The following VPS13D variants were observed in gnomAD, a reference collection of about 807,000 sequenced individuals.
VPS13D encodes intermembrane lipid transfer protein VPS13D.
In VPS13D, 187 loss-of-function variants were observed where a neutral mutation model predicts 461.9. The ratio of observed to expected loss-of-function variants is 0.40; its 90% CI spans 0.36 to 0.46. The LOEUF is 0.46. Ranked by LOEUF, VPS13D falls within the 20% of genes least tolerant of loss-of-function variation. VPS13D has a pLI of 0.60. For synonymous variants in VPS13D, 1,951 were observed against 1,986.3 expected, an observed-to-expected ratio of 0.98 and a Z score of 0.47; for missense variants, 4,711 against 5,364.9, an observed-to-expected ratio of 0.88 and a Z score of 3.81.
At chr1:12,355,857 AT>A in intron 47 of VPS13D, 41 bp from the exon 48 acceptor site, 1 of 1,465,650 alleles carries the variant, frequency 6.8e-7, no homozygotes, top group Non-Finnish European at 9.1e-7. Flanking sequence ...ATTTTGACAA[AT>A]AGTGAGAACT....
Position 12,321,802 on chromosome 1 carries a change from T to G in VPS13D, c.7549-7T>G. ...TAATTCTCGCCATATTGCATTTCATTCTGTAGGTGTTTTCATGCCGACTAG... is the reference window on the plus strand; with the variant it reads ...TAATTCTCGCCATATTGCATTTCATGCTGTAGGTGTTTTCATGCCGACTAG... On this transcript the variant is annotated splice_polypyrimidine_tract_variant and splice_region_variant and intron_variant, in intron 32 of 69. Coordinates refer to ENST00000620676, the MANE Select transcript of VPS13D (RefSeq NM_015378.4). The G allele has an allele frequency of 6.3e-7, 1 of 1,594,746 alleles. No homozygotes were observed. Among genetic ancestry groups the G allele is most frequent in the Non-Finnish European group, 8.5e-7 (1 of 1,173,982 alleles).
chr1:12,474,210 T>G (rs1331901475), intron 67 of VPS13D, among the ~76,000 whole-genome samples: 1 of 152,130 alleles, frequency 6.6e-6, no homozygotes, highest in Non-Finnish European at 1.5e-5. Flanking sequence ...CATGCGACCC[T>G]GTAACAGCTG....
chr1:12,279,717 T>A lies in VPS13D; in HGVS notation c.4602+67T>A, dbSNP rs927415380. The A allele has an allele frequency of 2.2e-5, 28 of 1,290,956 alleles. No individual in the cohort carries two copies. Among genetic ancestry groups the A allele is most frequent in the Admixed American group, 7.2e-5 (3 of 41,664 alleles). The allele number at this position is 1,290,956 out of a possible 1,614,324, so 80.0% of individuals were successfully genotyped here. A position where few individuals can be genotyped will look rare whatever the true frequency, so the allele number is the denominator to read the frequency against. Reference sequence around the variant, plus strand: ...AGTACTCTATAAATATGATATATATTTATGTATATTACATGTTGGAAGGAA... The same window carrying A: ...AGTACTCTATAAATATGATATATATATATGTATATTACATGTTGGAAGGAA... On this transcript the variant is annotated intron_variant, in intron 20 of 69. Coordinates refer to ENST00000620676, the MANE Select transcript of VPS13D (RefSeq NM_015378.4). This position sits in a 1 kb window ranked among gnomAD's most constrained non-coding sequence, Gnocchi z 4.3.
chr1:12,253,769 C>T lies in VPS13D; in HGVS notation c.612C>T (p.Ser204=). 1 of 1,614,132 alleles carries T rather than the reference C, an allele frequency of 6.2e-7. No homozygotes were observed. The highest frequency in any genetic ancestry group is 8.5e-7 in the Non-Finnish European group (1 of 1,179,988). Reference sequence around the variant, plus strand: ...AGCAATTAGACGTAGCAGAATTTAGCATCTATTGGGATGTCGATTGCACTT... The same window carrying T: ...AGCAATTAGACGTAGCAGAATTTAGTATCTATTGGGATGTCGATTGCACTT... ...RKKQLDVAEF[S]IYWDVDCTLL... Residue 204 remains serine, a synonymous_variant, in exon 7 of 70, where the codon AGC becomes AGT. Coordinates refer to ENST00000620676, the MANE Select transcript of VPS13D (RefSeq NM_015378.4).
intron 68 of VPS13D, among the ~76,000 whole-genome samples, chr1:12,501,160 A>G (rs889834368): frequency 6.6e-6 from 1 of 152,134 alleles, no homozygotes; most frequent in African/African-American, 2.4e-5. Flanking sequence ...GCTGTTTACG[A>G]TTTTTGTATC....
chr1:12,261,101 G>A lies in VPS13D; in HGVS notation c.1366G>A (p.Gly456Arg). ...QQTPEGNVVE[G>R]LSAEQQEQWI... ...GACCCCAGAAGGGAATGTGGTTGAG[G>A]GACTGTCAGCAGAGCAACAGGAGCA... Residue 456 changes from glycine (G) to arginine (R), a missense_variant, in exon 12 of 70, where the codon GGA (glycine) becomes AGA (arginine). By Grantham distance (125) the Gly-to-Arg change is moderately radical. Around this residue, in one of 3 missense-constraint regions of VPS13D, gnomAD observed 4,411 missense variants for 4,937.8 expected, o/e 0.89. Coordinates refer to ENST00000620676, the MANE Select transcript of VPS13D (RefSeq NM_015378.4). The A allele has an allele frequency of 6.2e-7, 1 of 1,614,120 alleles. No homozygotes were observed. Among genetic ancestry groups the A allele is most frequent in the Non-Finnish European group, 8.5e-7 (1 of 1,180,020 alleles).
At position 12,348,981 on chromosome 1, in the gene VPS13D, T is replaced by C. The variant is rs1643737062; in HGVS notation, c.9220+8T>C. On this transcript the variant is annotated splice_region_variant and intron_variant, in intron 45 of 69. Coordinates refer to ENST00000620676, the MANE Select transcript of VPS13D (RefSeq NM_015378.4). ...GCCCATCAGCTCCAGACAGTATGTT[T>C]TGATTGTCTAGCATATAGTAAATGC... The C allele has an allele frequency of 6.2e-7, 1 of 1,614,076 alleles. No homozygotes were observed. Among genetic ancestry groups the C allele is most frequent in the Non-Finnish European group, 8.5e-7 (1 of 1,180,028 alleles).
intron 65 of VPS13D, among the ~76,000 whole-genome samples, chr1:12,429,211 A>G (rs2100290823): frequency 6.6e-6 from 1 of 152,174 alleles, no homozygotes; most frequent in East Asian, 1.9e-4. Flanking sequence ...TTTATCTGGC[A>G]TAGCATTTTT....
At chr1:12,369,814 A>G in intron 54 of VPS13D, 112 bp downstream of exon 54, 1 of 975,002 alleles carries the variant, frequency 1.0e-6, no homozygotes, top group South Asian at 1.7e-5. Flanking sequence ...AGATTCTTTC[A>G]TTCTTTACCA....
chr1:12,374,620 C>G (rs556438127), intron 55 of VPS13D, among the ~76,000 whole-genome samples: 191 of 152,198 alleles, frequency 1.3e-3, no homozygotes, highest in Non-Finnish European at 1.8e-3. Flanking sequence ...ACATAAACCT[C>G]CTATTTGTCA....
intron 30 of VPS13D, among the ~76,000 whole-genome samples, chr1:12,317,416 T>C (rs890962169): frequency 5.3e-5 from 8 of 152,106 alleles, no homozygotes; most frequent in Non-Finnish European, 1.0e-4. Context: ...CTCTTTATCA[T>C]ACCAGAATTT....
At chr1:12,386,406 A>G (rs1456569899) in intron 60 of VPS13D, 72 bp downstream of exon 60, 7 of 1,465,160 alleles carry the variant, frequency 4.8e-6, no homozygotes, top group Non-Finnish European at 6.4e-6. Context: ...CTAATGTTTG[A>G]TGTTCTAAGA....
chr1:12,339,100 GT>G (rs370269228), intron 40 of VPS13D, among the ~76,000 whole-genome samples: 8,877 of 149,228 alleles, frequency 0.059, 400 homozygotes, highest in Admixed American at 0.13. Context: ...ATTGCCCTGG[GT>G]TTTTTTTTTC....
chr1:12,406,389 C>G (rs1426855488), intron 63 of VPS13D, among the ~76,000 whole-genome samples: 2 of 152,154 alleles, frequency 1.3e-5, no homozygotes, highest in South Asian at 2.1e-4. Flanking sequence ...GGAGTCCTGT[C>G]CCTGAACAGG....
At chr1:12,316,741 T>A (rs1405518969) in intron 30 of VPS13D, among the ~76,000 whole-genome samples, 1 of 152,188 alleles carries the variant, frequency 6.6e-6, no homozygotes, top group Non-Finnish European at 1.5e-5. Context: ...ACCAGGTACA[T>A]GTAGTAGCTA....
Position 12,403,851 on chromosome 1 carries a change from C to G in VPS13D, c.11908C>G (p.His3970Asp). The G allele has an allele frequency of 1.2e-6, 2 of 1,601,398 alleles. No homozygotes were observed. The highest frequency in any genetic ancestry group is 1.1e-5 in the South Asian group (1 of 87,534). ...SEVEKYDENL[H>D]EKTAEQGGTP... Reference sequence around the variant, plus strand: ...GGTGGAAAAATATGATGAAAACCTCCATGAAAAGACAGCTGAGCAAGGTGG... The same window carrying G: ...GGTGGAAAAATATGATGAAAACCTCGATGAAAAGACAGCTGAGCAAGGTGG... Residue 3970 changes from histidine to aspartate, a missense_variant, in exon 63 of 70, where the codon CAT becomes GAT. His to Asp is a moderately conservative substitution (Grantham distance 81). Around this residue, in one of 3 missense-constraint regions of VPS13D, gnomAD observed 4,411 missense variants for 4,937.8 expected, o/e 0.89. Transcript: ENST00000620676.
intron 26 of VPS13D, among the ~76,000 whole-genome samples, chr1:12,306,102 G>C (rs1642556502): frequency 1.3e-5 from 2 of 152,144 alleles, no homozygotes; most frequent in South Asian, 4.2e-4. Flanking sequence ...TCCTGCCTCA[G>C]CCTCCCGAGT....
At chr1:12,260,365 G>A (rs1000912072) in intron 10 of VPS13D, among the ~76,000 whole-genome samples, 3 of 151,856 alleles carry the variant, frequency 2.0e-5, no homozygotes, top group Admixed American at 6.6e-5. Flanking sequence ...GCTGTTCTTC[G>A]CTCCCTCTCC....
chr1:12,277,424 A>G lies in VPS13D; in HGVS notation c.3836A>G (p.Lys1279Arg), dbSNP rs1420317915. ...ALSFTFVERSKQECFLNLKMA... is the reference protein window; with the variant it reads ...ALSFTFVERSRQECFLNLKMA... The stretch of plus-strand genomic sequence containing the variant: ...AGTTTCACGTTTGTTGAGAGATCTA[A>G]ACAGGAGTGTTTTCTCAACCTGAAG... Residue 1279 changes from lysine to arginine, a missense_variant, in exon 19 of 70, where the codon AAA (lysine) becomes AGA (arginine). This residue lies in a region of VPS13D where 4,411 missense variants were observed against 4,937.8 expected (regional missense o/e 0.89). Coordinates refer to ENST00000620676, the MANE Select transcript of VPS13D (RefSeq NM_015378.4). 3.1e-6 allele frequency: 5 copies of G among 1,614,112 alleles called. No individual in the cohort carries two copies. The highest frequency in any genetic ancestry group is 4.2e-6 in the Non-Finnish European group (5 of 1,180,010).
Sources: allele counts gnomAD v4.1 joint callset (sites outside exome capture counted in the v4.1 genomes callset), GRCh38; gene constraint gnomAD v4.1.1; regional missense constraint gnomAD v4.1.1; non-coding constraint Gnocchi (gnomAD v3.1); transcripts MANE v1.5; gene names NCBI Gene and HGNC (gene_info 2026-07-23, HGNC 2026-07-21).